Variants in CSTF3 observed in about 807,000 individuals in gnomAD.
The protein encoded by CSTF3 is cleavage stimulation factor subunit 3.
Under a neutral mutation model 105.8 loss-of-function variants are expected in CSTF3, and 29 were observed. That is an observed-to-expected ratio of 0.27 (90% CI 0.20 to 0.37). The LOEUF (loss-of-function observed/expected upper bound fraction) is 0.37, where lower values mean the gene tolerates loss of function less well. Ranked by LOEUF, CSTF3 falls within the 10% of genes least tolerant of loss-of-function variation. The pLI, the probability that CSTF3 is intolerant of heterozygous loss-of-function variation, is 1.00. For missense variants in CSTF3, 357 were observed against 879.3 expected (o/e 0.41, Z 7.51); for synonymous variants, 252 against 281.9 (o/e 0.89, Z 1.06).
chr11:33,149,400 T>C (rs1855828697), intron 1 of CSTF3, among the ~76,000 whole-genome samples: 2 of 152,222 alleles, frequency 1.3e-5, no homozygotes, highest in African/African-American at 2.4e-5. Context: ...ATTCTCACAA[T>C]AAAAAGCCTT....
At chr11:33,137,365 C>T (rs1019921629) in intron 3 of CSTF3, among the ~76,000 whole-genome samples, 7 of 151,614 alleles carry the variant, frequency 4.6e-5, no homozygotes, top group African/African-American at 1.7e-4. Flanking sequence ...AAAGTAGTTG[C>T]TTTGGCTGAG....
rs1454440761 is a variant in CSTF3 at position 33,108,386 on chromosome 11, CT to C, written c.257del (p.Lys86SerfsTer8). 2.0e-6 allele frequency: 3 copies of C among 1,488,842 alleles called. No individual in the cohort carries two copies. Among genetic ancestry groups the C allele is most frequent in the East Asian group, 2.5e-5 (1 of 40,268 alleles). 92.2% of individuals were successfully genotyped at this position (1,488,842 alleles called of 1,614,324 possible). ...AAATTCAAAGTATTTGAGGACTCAC[CT>C]TTTCAACCTTGTCATAATTTTTAGC... Reference protein sequence around the residue: ...IKAKNYDKVEKLFQRCLMKVL... With the variant: ...IKAKNYDKVEXLFQRCLMKVL... On this transcript the variant is annotated frameshift_variant and splice_region_variant, in exon 4 of 21. Coordinates refer to ENST00000323959, the MANE Select transcript of CSTF3 (RefSeq NM_001326.3). LOFTEE classifies it high-confidence loss of function.
intron 3 of CSTF3, among the ~76,000 whole-genome samples, chr11:33,129,518 C>G (rs909258347): frequency 6.6e-6 from 1 of 151,704 alleles, no homozygotes; most frequent in Non-Finnish European, 1.5e-5. Flanking sequence ...GCCAACTGTA[C>G]TATTGAAAAA....
intron 3 of CSTF3, among the ~76,000 whole-genome samples, chr11:33,132,633 AC>A (rs1246514230): frequency 1.3e-5 from 2 of 151,948 alleles, no homozygotes; most frequent in African/African-American, 4.8e-5. Flanking sequence ...TTAAAAAGGA[AC>A]CTTTTTGGCA....
chr11:33,132,176 T>C (rs1199672427), intron 3 of CSTF3, among the ~76,000 whole-genome samples: 1 of 152,170 alleles, frequency 6.6e-6, no homozygotes, highest in Non-Finnish European at 1.5e-5. Context: ...GCATATATCC[T>C]TTATAGAGTT....
chr11:33,140,565 T>C (rs1338814299), intron 3 of CSTF3, among the ~76,000 whole-genome samples: 2 of 152,074 alleles, frequency 1.3e-5, no homozygotes, highest in African/African-American at 2.4e-5. Flanking sequence ...TTAAATCTGC[T>C]ATTGGTTGGG....
chr11:33,139,831 T>C (rs1195949616), intron 3 of CSTF3, among the ~76,000 whole-genome samples: 4 of 152,054 alleles, frequency 2.6e-5, no homozygotes, highest in Admixed American at 6.6e-5. Flanking sequence ...CATTTCATTA[T>C]ATGAATTGAG....
intron 1 of CSTF3, among the ~76,000 whole-genome samples, chr11:33,148,258 A>G (rs952632172): frequency 1.3e-5 from 2 of 152,236 alleles, no homozygotes; most frequent in African/African-American, 2.4e-5. Context: ...CTGGCTCTGC[A>G]TTAGAATCAC....
intron 18 of CSTF3, among the ~76,000 whole-genome samples, chr11:33,086,631 T>A (rs942881211): frequency 1.2e-4 from 19 of 152,104 alleles, no homozygotes; most frequent in African/African-American, 4.6e-4. Flanking sequence ...AAAGACAAAG[T>A]TTCACCATGT....
At chr11:33,150,848 C>T (rs998968771) in intron 1 of CSTF3, among the ~76,000 whole-genome samples, 5 of 149,636 alleles carry the variant, frequency 3.3e-5, no homozygotes, top group African/African-American at 1.2e-4. Flanking sequence ...AGGGCCAGAC[C>T]CTGTCTCAAA....
intron 1 of CSTF3, among the ~76,000 whole-genome samples, chr11:33,146,298 A>T: frequency 6.6e-6 from 1 of 152,190 alleles, no homozygotes; most frequent in East Asian, 1.9e-4. Context: ...CCGATTCTGA[A>T]TTCCACTTCT....
chr11:33,150,219 T>TAAAAAAAAAAAAAAAAAAAAAA (rs10714096), intron 1 of CSTF3, among the ~76,000 whole-genome samples: 9 of 104,386 alleles, frequency 8.6e-5, no homozygotes, highest in Non-Finnish European at 1.2e-4. Context: ...TGTCTCAAAC[T>TAAAAAAAAAAAAAAAAAAAAAA]AAAAAAAAAA....
Position 33,141,958 on chromosome 11 carries a change from T to C in CSTF3, c.56A>G (p.Lys19Arg). Residue 19 changes from lysine (K) to arginine (R), a missense_variant, in exon 2 of 21, where the codon AAG becomes AGG. By Grantham distance (26) the Lys-to-Arg change is conservative. Around this residue, in one of 4 missense-constraint regions of CSTF3, gnomAD observed 78 missense variants for 180.4 expected, o/e 0.43. Transcript: ENST00000323959. ...CTCTTCTAATTTCTTTTCCGCTTTC[T>C]TCACCTTCTCTGGGACATACTCAGC... ...QAAEYVPEKV[K>R]KAEKKLEENP... 6.2e-7 allele frequency: 1 copy of C among 1,612,906 alleles called. No homozygotes were observed. Among genetic ancestry groups the C allele is most frequent in the Non-Finnish European group, 8.5e-7 (1 of 1,179,650 alleles).
chr11:33,153,143 A>G (rs921824994), intron 1 of CSTF3, among the ~76,000 whole-genome samples: 2 of 152,062 alleles, frequency 1.3e-5, no homozygotes, highest in Non-Finnish European at 2.9e-5. Flanking sequence ...GAATGGCACC[A>G]TTTTACATTT....
intron 1 of CSTF3, among the ~76,000 whole-genome samples, chr11:33,159,748 G>C (rs1038180099): frequency 6.6e-6 from 1 of 152,076 alleles, no homozygotes; most frequent in African/African-American, 2.4e-5. Flanking sequence ...ACTCTAGTGT[G>C]AGTGACAAAG....
chr11:33,145,050 T>TA (rs993999748), intron 1 of CSTF3: 8 of 149,056 alleles, frequency 5.4e-5, no homozygotes, highest in African/African-American at 1.7e-4. Flanking sequence ...AGTACCAAAA[T>TA]AAAAAAAGAC....
At chr11:33,156,956 T>C (rs987906670) in intron 1 of CSTF3, among the ~76,000 whole-genome samples, 3 of 151,914 alleles carry the variant, frequency 2.0e-5, no homozygotes, top group Admixed American at 2.0e-4. Context: ...CAAAACCCAA[T>C]GGAAAATGTC....
At chr11:33,146,623 T>TAA (rs5790915) in intron 1 of CSTF3, among the ~76,000 whole-genome samples, 77,677 of 143,936 alleles carry the variant, frequency 0.54, 23,268 homozygotes, top group Non-Finnish European at 0.67. Context: ...TGTAGTCACT[T>TAA]AAAAAAAAAA....
chr11:33,110,268 G>A (rs1855366764), intron 3 of CSTF3, among the ~76,000 whole-genome samples: 2 of 152,314 alleles, frequency 1.3e-5, no homozygotes, highest in South Asian at 4.1e-4. Flanking sequence ...CAGCAAACAA[G>A]CTGCTGCTAG....
Sources: allele counts gnomAD v4.1 joint callset (sites outside exome capture counted in the v4.1 genomes callset), GRCh38; gene constraint gnomAD v4.1.1; regional missense constraint gnomAD v4.1.1; transcripts MANE v1.5; gene names NCBI Gene and HGNC (gene_info 2026-07-23, HGNC 2026-07-21).